AKAP9: variants seen among roughly 807,000 people sequenced by gnomAD.
The protein encoded by AKAP9 is A-kinase anchoring protein 9.
Under a neutral mutation model 488.5 loss-of-function variants are expected in AKAP9, and 311 were observed. That is an observed-to-expected ratio of 0.64 (90% CI 0.58 to 0.70). The LOEUF is 0.70. Ranked by LOEUF, AKAP9 falls within the 30% of genes least tolerant of loss-of-function variation. The probability of loss-of-function intolerance (pLI) is 0.00; values close to 1 mark genes in which losing one functional copy is unlikely to be tolerated. For missense variants in AKAP9, 4,215 were observed against 4,374.5 expected, an observed-to-expected ratio of 0.96 and a Z score of 1.03; for synonymous variants, 1,462 against 1,483.5, an observed-to-expected ratio of 0.99 and a Z score of 0.33.
chr7:91,963,502 A>G (rs1367736335), intron 1 of AKAP9, among the ~76,000 whole-genome samples: 1 of 149,970 alleles, frequency 6.7e-6, no homozygotes, highest in Non-Finnish European at 1.5e-5. Context: ...ACACACACAC[A>G]CACACACACA....
intron 1 of AKAP9, among the ~76,000 whole-genome samples, chr7:91,952,940 C>A (rs1792445569): frequency 6.6e-6 from 1 of 152,184 alleles, no homozygotes; most frequent in Admixed American, 6.5e-5. Flanking sequence ...CTGCCTCAGC[C>A]TCCTGACTGA....
At position 92,084,943 on chromosome 7, in the gene AKAP9, A is replaced by G; in HGVS notation, c.8832+3A>G. On this transcript the variant is annotated splice_donor_region_variant and intron_variant, in intron 35 of 49. Coordinates refer to ENST00000356239, the MANE Select transcript of AKAP9 (RefSeq NM_005751.5). ...ATTCCTTTCCAAAGAAAATAAAGGT[A>G]CTAAAAGATAGATACCTTTTATTAA... 1 of 1,612,604 alleles carries G rather than the reference A, an allele frequency of 6.2e-7. No homozygotes were observed. The highest frequency in any genetic ancestry group is 8.5e-7 in the Non-Finnish European group (1 of 1,179,180).
intron 24 of AKAP9, among the ~76,000 whole-genome samples, chr7:92,063,844 G>GCA (rs1213742825): frequency 2.6e-5 from 4 of 152,094 alleles, no homozygotes; most frequent in African/African-American, 7.2e-5. Flanking sequence ...GCAGTGGTCT[G>GCA]ATCTCGGCTC....
intron 1 of AKAP9, among the ~76,000 whole-genome samples, chr7:91,951,291 C>T (rs1465940637): frequency 3.3e-5 from 5 of 151,646 alleles, no homozygotes; most frequent in African/African-American, 1.2e-4. Context: ...ATCTCACTCT[C>T]TTTCTCTCTA....
At chr7:92,040,370 A>C (rs113145875) in intron 17 of AKAP9, among the ~76,000 whole-genome samples, 7 of 152,300 alleles carry the variant, frequency 4.6e-5, no homozygotes, top group African/African-American at 1.7e-4. Context: ...CGTTAAGAGT[A>C]GAAGGAATCT....
chr7:91,978,405 G>A (rs1795978752), intron 2 of AKAP9, among the ~76,000 whole-genome samples: 2 of 152,198 alleles, frequency 1.3e-5, no homozygotes, highest in African/African-American at 2.4e-5. Context: ...TTCCATAGGT[G>A]TAGATGAGAA....
chr7:92,089,239 C>A, intron 37 of AKAP9, 146 bp from the exon 38 acceptor site: 3 of 708,408 alleles, frequency 4.2e-6, no homozygotes, highest in African/African-American at 1.8e-5. Flanking sequence ...TATCCTCATA[C>A]ATTTTGGAAA....
intron 46 of AKAP9, among the ~76,000 whole-genome samples, chr7:92,104,158 G>C (rs1818109247): frequency 6.6e-6 from 1 of 151,304 alleles, no homozygotes; most frequent in South Asian, 2.1e-4. Flanking sequence ...TTTCTATCAG[G>C]TCACATCTGA....
intron 1 of AKAP9, among the ~76,000 whole-genome samples, chr7:91,946,092 A>T (rs1338084894): frequency 1.3e-5 from 2 of 152,226 alleles, no homozygotes; most frequent in East Asian, 3.8e-4. Context: ...TACAAAAAAA[A>T]GGATGGTGCT....
intron 16 of AKAP9, among the ~76,000 whole-genome samples, chr7:92,037,855 T>C (rs984864360): frequency 1.3e-5 from 2 of 152,220 alleles, no homozygotes; most frequent in Non-Finnish European, 1.5e-5. Flanking sequence ...ATGTCCAATA[T>C]AGAGAATTGA....
At chr7:92,102,419 AAC>A (rs990747249) in intron 45 of AKAP9, among the ~76,000 whole-genome samples, 173 bp from the exon 46 acceptor site, 4 of 150,870 alleles carry the variant, frequency 2.7e-5, no homozygotes, top group South Asian at 2.1e-4. Flanking sequence ...TAAAGTAGAA[AAC>A]AGTGATAGGA....
In AKAP9 at chr7:92,062,365, G is replaced by A; in HGVS notation, c.5856G>A (p.Leu1952=). The A allele has an allele frequency of 1.9e-6, 3 of 1,613,926 alleles. No homozygotes were observed. Among genetic ancestry groups the A allele is most frequent in the Non-Finnish European group, 2.5e-6 (3 of 1,179,842 alleles). The change falls in exon 24 of 50, where the codon TTG becomes TTA. Residue 1952 remains leucine, a synonymous_variant. Coordinates refer to ENST00000356239, the MANE Select transcript of AKAP9 (RefSeq NM_005751.5). ...TDIIDRLEQE[L]LCASNRLQEL... ...TAATAGATCGTCTTGAGCAGGAGTT[G>A]TTATGTGCAAGTAACAGGTTGCAAG...
rs531605586 is a variant in AKAP9 at position 92,029,363 on chromosome 7, A to G, written c.4149-532A>G. 2.6e-5 allele frequency among the ~76,000 whole-genome samples: 4 copies of G among 152,360 alleles called. No homozygotes were observed. In the South Asian group the frequency reaches 8.3e-4, roughly 32 times the overall value. On this transcript the variant is annotated intron_variant, in intron 14 of 49. Transcript: ENST00000356239. Reference sequence around the variant, plus strand: ...ACATTGTTACTTTCGATGTGTATACATAGGAAGATAATCAAACTTTTTGTA... The same window carrying G: ...ACATTGTTACTTTCGATGTGTATACGTAGGAAGATAATCAAACTTTTTGTA...
chr7:92,081,465 C>G (rs566295512), intron 31 of AKAP9, among the ~76,000 whole-genome samples: 1 of 138,904 alleles, frequency 7.2e-6, no homozygotes, highest in Non-Finnish European at 1.5e-5. Context: ...CCACCACACC[C>G]GGCTAATTTA....
intron 46 of AKAP9, among the ~76,000 whole-genome samples, chr7:92,103,670 C>G (rs1964800): frequency 0.57 from 85,028 of 148,498 alleles, 25,574 homozygotes; most frequent in African/African-American, 0.78. Context: ...ACTCCAGCCT[C>G]GGTGACAGAG....
chr7:92,040,930 A>T, intron 18 of AKAP9, 32 bp downstream of exon 18: 1 of 1,558,376 alleles, frequency 6.4e-7, no homozygotes, highest in Non-Finnish European at 8.7e-7. Context: ...TTCTCTCCCC[A>T]GTTATTTTTT....
Position 92,110,291 on chromosome 7 carries a change from C to T in AKAP9, c.*132C>T. 1.4e-6 allele frequency: 1 copy of T among 736,532 alleles called. No individual in the cohort carries two copies. The highest frequency in any genetic ancestry group is 2.3e-6 in the Non-Finnish European group (1 of 435,892). 45.6% of individuals were successfully genotyped at this position (736,532 alleles called of 1,614,324 possible). A position where few individuals can be genotyped will look rare whatever the true frequency, so the allele number is the denominator to read the frequency against. On this transcript the variant is annotated 3_prime_UTR_variant, in exon 50 of 50. Transcript: ENST00000356239. Reference sequence around the variant, plus strand: ...ACACAGCTTATGATTGTATACAAATCCCTTGCCAGCACATGAAAACAAACT... The same window carrying T: ...ACACAGCTTATGATTGTATACAAATTCCTTGCCAGCACATGAAAACAAACT...
At chr7:91,949,055 T>A (rs898906033) in intron 1 of AKAP9, among the ~76,000 whole-genome samples, 1 of 152,154 alleles carries the variant, frequency 6.6e-6, no homozygotes, top group Non-Finnish European at 1.5e-5. Flanking sequence ...CTAGCCCATT[T>A]GTAGATCTTC....
rs940997249 is a variant in AKAP9 at position 92,045,000 on chromosome 7, C to T, written c.5163-8C>T. Reference sequence around the variant, plus strand: ...AACATTTTAATCAGTGCTTCTTTATCTATACAGGTATGCACTCCAGAAAGC... The same window carrying T: ...AACATTTTAATCAGTGCTTCTTTATTTATACAGGTATGCACTCCAGAAAGC... On this transcript the variant is annotated splice_polypyrimidine_tract_variant and splice_region_variant and intron_variant, in intron 20 of 49. Transcript: ENST00000356239. 8 of 1,595,574 alleles carry T rather than the reference C, an allele frequency of 5.0e-6. No homozygotes were observed. Among genetic ancestry groups the T allele is most frequent in the African/African-American group, 1.3e-5 (1 of 74,464 alleles).
Sources: gnomAD v4.1 joint callset for allele counts (sites outside exome capture counted in the v4.1 genomes callset) on GRCh38, gnomAD v4.1.1 for gene constraint, MANE v1.5 for transcripts, NCBI Gene and HGNC (gene_info 2026-07-23, HGNC 2026-07-21) for gene names.